NTM: variants seen among roughly 807,000 people sequenced by gnomAD.
NTM encodes the protein IgLON family member 2.
NTM carries 13 observed loss-of-function variants against 42.1 expected under a neutral mutation model. The observed-to-expected ratio is 0.31, with a 90% CI of 0.20 to 0.49. The LOEUF (loss-of-function observed/expected upper bound fraction) is 0.49, where lower values mean the gene tolerates loss of function less well. NTM is among the 20% of genes least tolerant of loss of function. The probability of loss-of-function intolerance (pLI) is 0.99; values close to 1 mark genes in which losing one functional copy is unlikely to be tolerated. For missense variants in NTM, 373 were observed against 452.8 expected (o/e 0.82, Z 1.60); for synonymous variants, 187 against 179.2 (o/e 1.04, Z -0.35).
intron 7 of NTM, among the ~76,000 whole-genome samples, chr11:132,315,679 G>T (rs1201008119): frequency 6.6e-6 from 1 of 152,146 alleles, no homozygotes; most frequent in Non-Finnish European, 1.5e-5. Context: ...TGCCCTCGGT[G>T]CTAGCGTATG....
intron 2 of NTM, chr11:131,922,357 C>G (rs191383087): frequency 6.6e-6 from 1 of 152,510 alleles, no homozygotes; most frequent in Admixed American, 6.5e-5. Context: ...TCCTCCAGAC[C>G]GCACATCCTG....
intron 1 of NTM, among the ~76,000 whole-genome samples, chr11:131,402,180 G>A (rs553922337): frequency 1.3e-5 from 2 of 151,582 alleles, no homozygotes; most frequent in South Asian, 4.2e-4. Flanking sequence ...CAAAAATAAT[G>A]TTATGGATGC....
chr11:132,073,175 T>C (rs1190059597), intron 2 of NTM, among the ~76,000 whole-genome samples: 1 of 152,128 alleles, frequency 6.6e-6, no homozygotes, highest in Non-Finnish European at 1.5e-5. Flanking sequence ...CTAAGTGTCC[T>C]CTGTATTAAC....
chr11:132,051,657 C>G (rs974965255), intron 2 of NTM, among the ~76,000 whole-genome samples: 19 of 152,168 alleles, frequency 1.2e-4, no homozygotes, highest in Admixed American at 1.2e-3. Flanking sequence ...CACAGGATGC[C>G]AAGAGCCCCC....
At chr11:131,957,746 T>C (rs759710891) in intron 2 of NTM, among the ~76,000 whole-genome samples, 7 of 152,202 alleles carry the variant, frequency 4.6e-5, no homozygotes, top group Non-Finnish European at 1.0e-4. Flanking sequence ...CAATTTATCA[T>C]CTTATCCTCG....
intron 1 of NTM, among the ~76,000 whole-genome samples, chr11:131,550,763 G>T (rs575194055): frequency 5.3e-4 from 81 of 152,236 alleles, no homozygotes; most frequent in Non-Finnish European, 8.7e-4. Context: ...TTGAGCCCAG[G>T]AGCTTGAAGC....
chr11:131,691,080 C>T (rs1037755861), intron 1 of NTM, among the ~76,000 whole-genome samples: 1 of 152,162 alleles, frequency 6.6e-6, no homozygotes, highest in Non-Finnish European at 1.5e-5. Context: ...GCAGAGGATC[C>T]GGCGCCTGCC....
At chr11:131,497,252 G>A (rs556412795) in intron 1 of NTM, among the ~76,000 whole-genome samples, 30 of 152,144 alleles carry the variant, frequency 2.0e-4, no homozygotes, top group African/African-American at 6.7e-4. Context: ...GCAGAGGTGC[G>A]ATCTCGGCCC....
intron 4 of NTM, among the ~76,000 whole-genome samples, chr11:132,266,690 A>G (rs1043280945): frequency 1.3e-5 from 2 of 152,210 alleles, no homozygotes; most frequent in African/African-American, 4.8e-5. Flanking sequence ...AGTGCCCTAG[A>G]TCTTTCTGAA....
intron 3 of NTM, among the ~76,000 whole-genome samples, chr11:132,194,814 CTTTTTTTTTTT>C (rs902871492): frequency 9.0e-6 from 1 of 110,650 alleles, no homozygotes; most frequent in African/African-American, 3.7e-5. Flanking sequence ...GCATTTCTTC[CTTTTTTTTTTT>C]TTTTTTTTTT....
intron 2 of NTM, among the ~76,000 whole-genome samples, chr11:131,923,058 G>A (rs184589978): frequency 9.4e-4 from 129 of 136,638 alleles, no homozygotes; most frequent in Admixed American, 2.4e-3. Context: ...CCAGTACCCC[G>A]TTTAAAAAAA....
chr11:131,790,154 T>C (rs986297204), intron 1 of NTM, among the ~76,000 whole-genome samples: 13 of 152,084 alleles, frequency 8.5e-5, no homozygotes, highest in Non-Finnish European at 1.9e-4. Flanking sequence ...AAGTTTAATA[T>C]GCAAATAAAA....
chr11:132,176,856 G>A (rs1366329916), intron 3 of NTM, among the ~76,000 whole-genome samples: 1 of 147,742 alleles, frequency 6.8e-6, no homozygotes, highest in Non-Finnish European at 1.5e-5. Flanking sequence ...AGCCTCCCAA[G>A]TAGCCGGGAT....
At chr11:132,154,566 G>T (rs7115655) in intron 3 of NTM, among the ~76,000 whole-genome samples, 9,323 of 152,218 alleles carry the variant, frequency 0.061, 447 homozygotes, top group African/African-American at 0.13. Flanking sequence ...TGTGGTACTG[G>T]GTTTTGTGCT....
At chr11:132,066,491 C>T (rs2136088989) in intron 2 of NTM, among the ~76,000 whole-genome samples, 1 of 152,310 alleles carries the variant, frequency 6.6e-6, no homozygotes, top group East Asian at 1.9e-4. Flanking sequence ...TTACCACAAA[C>T]TGGGTGACTT....
intron 2 of NTM, among the ~76,000 whole-genome samples, chr11:132,005,610 T>G (rs1471726007): frequency 6.6e-6 from 1 of 152,234 alleles, no homozygotes; most frequent in East Asian, 1.9e-4. Context: ...TCCTGACAGA[T>G]AGTGGGGATT....
At chr11:132,172,174 G>A (rs1260995063) in intron 3 of NTM, among the ~76,000 whole-genome samples, 2 of 152,212 alleles carry the variant, frequency 1.3e-5, no homozygotes, top group Non-Finnish European at 2.9e-5. Flanking sequence ...TTGTTGAGAT[G>A]AACATAGAGA....
chr11:131,418,190 G>A (rs1402017750), intron 1 of NTM, among the ~76,000 whole-genome samples: 4 of 152,176 alleles, frequency 2.6e-5, no homozygotes, highest in African/African-American at 9.7e-5. Context: ...GACTGATAGA[G>A]ACCTTTAAAT....
intron 4 of NTM, among the ~76,000 whole-genome samples, chr11:132,260,282 A>T (rs1223978807): frequency 6.6e-6 from 1 of 151,992 alleles, no homozygotes; most frequent in Admixed American, 6.6e-5. Context: ...ATAAGAGAAC[A>T]TAAGTTCAGA....
Sources: allele counts gnomAD v4.1 joint callset (sites outside exome capture counted in the v4.1 genomes callset), GRCh38; gene constraint gnomAD v4.1.1; transcripts MANE v1.5; gene names NCBI Gene and HGNC (gene_info 2026-07-23, HGNC 2026-07-21).